The following DCC variants were observed in gnomAD, a reference collection of about 807,000 sequenced individuals.
The protein encoded by DCC is DCC netrin 1 receptor.
In DCC, 58 loss-of-function variants were observed where a neutral mutation model predicts 172.5. The ratio of observed to expected loss-of-function variants is 0.34; its 90% CI spans 0.27 to 0.42. DCC has a LOEUF of 0.42. Ranked by LOEUF, DCC falls within the 10% of genes least tolerant of loss-of-function variation. The pLI, the probability that DCC is intolerant of heterozygous loss-of-function variation, is 1.00. For synonymous variants in DCC, 709 were observed against 644.5 expected, an observed-to-expected ratio of 1.10 and a Z score of -1.52; for missense variants, 1,740 against 1,791.0, an observed-to-expected ratio of 0.97 and a Z score of 0.51.
chr18:53,386,201 A>C (rs1908155835), intron 16 of DCC, 63 bp downstream of exon 16: 20 of 1,094,660 alleles, frequency 1.8e-5, no homozygotes, highest in Non-Finnish European at 2.5e-5. Context: ...AAAAAGAAAA[A>C]CTAAAATAAA....
chr18:52,581,379 A>G (rs1191538301), intron 1 of DCC, among the ~76,000 whole-genome samples: 1 of 152,180 alleles, frequency 6.6e-6, no homozygotes, highest in Non-Finnish European at 1.5e-5. Context: ...TGGGAAGATT[A>G]GATAGTTTGA....
intron 1 of DCC, among the ~76,000 whole-genome samples, chr18:52,608,432 T>A (rs72917007): frequency 6.6e-6 from 1 of 152,124 alleles, no homozygotes; most frequent in Non-Finnish European, 1.5e-5. Context: ...GACAGAGAAG[T>A]GTTCTGGAGA....
chr18:52,700,419 A>G (rs1328729908), intron 1 of DCC, among the ~76,000 whole-genome samples: 1 of 152,120 alleles, frequency 6.6e-6, no homozygotes, highest in Non-Finnish European at 1.5e-5. Flanking sequence ...GCACATGCAC[A>G]CACACACAGA....
At chr18:52,350,297 T>G (rs545061928) in intron 1 of DCC, among the ~76,000 whole-genome samples, 1 of 152,226 alleles carries the variant, frequency 6.6e-6, no homozygotes, top group Non-Finnish European at 1.5e-5. Context: ...CTGTTCTTCA[T>G]GTGGTTTTTG....
At chr18:53,060,557 T>G (rs1448693010) in intron 5 of DCC, among the ~76,000 whole-genome samples, 4 of 152,132 alleles carry the variant, frequency 2.6e-5, no homozygotes, top group Non-Finnish European at 4.4e-5. Context: ...CACATATACG[T>G]TTGTAATCAG....
At chr18:53,280,670 A>G (rs367741267) in intron 12 of DCC, among the ~76,000 whole-genome samples, 3 of 152,050 alleles carry the variant, frequency 2.0e-5, no homozygotes, top group South Asian at 2.1e-4. Flanking sequence ...CAAAATCACT[A>G]TTAATGAACG....
At chr18:53,393,914 C>CCTCTCTCTCTCT (rs1323959382) in intron 17 of DCC, among the ~76,000 whole-genome samples, 3 of 108,164 alleles carry the variant, frequency 2.8e-5, no homozygotes, top group African/African-American at 8.9e-5. Flanking sequence ...TCTCTCTCTC[C>CCTCTCTCTCTCT]CTCTCTCCCT....
chr18:53,232,052 A>G (rs147304291), intron 12 of DCC, among the ~76,000 whole-genome samples: 5 of 152,210 alleles, frequency 3.3e-5, no homozygotes, highest in African/African-American at 1.2e-4. Context: ...TGTATATTCA[A>G]AGTTCTGTCC....
At chr18:53,158,860 G>C (rs1054712661) in intron 8 of DCC, among the ~76,000 whole-genome samples, 1 of 151,718 alleles carries the variant, frequency 6.6e-6, no homozygotes, top group Non-Finnish European at 1.5e-5. Context: ...GGGCATGGTG[G>C]CGCGCACCTG....
At chr18:53,309,297 C>T (rs1472517352) in intron 13 of DCC, among the ~76,000 whole-genome samples, 1 of 152,086 alleles carries the variant, frequency 6.6e-6, no homozygotes, top group Non-Finnish European at 1.5e-5. Context: ...CCACAGCCTC[C>T]CAAAGTGCTA....
At position 53,459,335 on chromosome 18, in the gene DCC, G is replaced by T. The variant is rs761581085; in HGVS notation, c.3496G>T (p.Glu1166Ter). Reference sequence around the variant, plus strand: ...TGAAGAAATGGAGATGAAAAATATTGAAAAGCCATCTGGCACTGACCCTGC... The same window carrying T: ...TGAAGAAATGGAGATGAAAAATATTTAAAAGCCATCTGGCACTGACCCTGC... ...HHEEMEMKNI[E>*]KPSGTDPAGR... Residue 1166 changes from glutamate to a stop codon, truncating the protein, a stop_gained, in exon 24 of 29, where the codon GAA (glutamate) becomes TAA (stop). Transcript: ENST00000442544. LOFTEE classifies it high-confidence loss of function. 1.2e-6 allele frequency: 2 copies of T among 1,613,912 alleles called. No homozygotes were observed. Among genetic ancestry groups the T allele is most frequent in the Non-Finnish European group, 1.7e-6 (2 of 1,179,976 alleles).
At chr18:52,440,139 G>A (rs1013003366) in intron 1 of DCC, among the ~76,000 whole-genome samples, 13 of 152,144 alleles carry the variant, frequency 8.5e-5, no homozygotes, top group African/African-American at 3.1e-4. Flanking sequence ...GCTAAGAGCA[G>A]AATTCTCAGT....
At position 52,704,611 on chromosome 18, in the gene DCC, A is replaced by G. The variant is rs1381127432; in HGVS notation, c.92-47443A>G. 2.0e-5 allele frequency among the ~76,000 whole-genome samples: 3 copies of G among 152,174 alleles called. No individual in the cohort carries two copies. The South Asian group carries it at 6.2e-4, about 31-fold the overall frequency. ...TGTATTTCTGAAGCCCAAATTGCAAATGAAATAAATGATGTGCCCTCTTGT... is the reference window on the plus strand; with the variant it reads ...TGTATTTCTGAAGCCCAAATTGCAAGTGAAATAAATGATGTGCCCTCTTGT... On this transcript the variant is annotated intron_variant, in intron 1 of 28. Transcript: ENST00000442544.
intron 16 of DCC, among the ~76,000 whole-genome samples, chr18:53,391,068 C>T (rs1209166776): frequency 6.6e-6 from 1 of 152,172 alleles, no homozygotes; most frequent in African/African-American, 2.4e-5. Context: ...ATCACAGCCA[C>T]ACACAGGTTG....
At chr18:53,004,431 T>C (rs1037788205) in intron 5 of DCC, among the ~76,000 whole-genome samples, 6 of 152,220 alleles carry the variant, frequency 3.9e-5, no homozygotes, top group African/African-American at 1.2e-4. Flanking sequence ...GGTAAGGAAT[T>C]ATTTATTCAG....
intron 5 of DCC, among the ~76,000 whole-genome samples, chr18:53,003,012 A>G (rs1434603269): frequency 6.6e-6 from 1 of 152,116 alleles, no homozygotes; most frequent in Non-Finnish European, 1.5e-5. Flanking sequence ...CCCTTAGGAC[A>G]TATATTTTGT....
chr18:53,259,614 C>T (rs2056568909), intron 12 of DCC, among the ~76,000 whole-genome samples: 2 of 152,060 alleles, frequency 1.3e-5, no homozygotes, highest in African/African-American at 2.4e-5. Flanking sequence ...TTGTGGGTAA[C>T]CTGACCTTTC....
At chr18:52,714,791 A>G (rs989826969) in intron 1 of DCC, among the ~76,000 whole-genome samples, 2 of 152,118 alleles carry the variant, frequency 1.3e-5, no homozygotes, top group Non-Finnish European at 2.9e-5. Flanking sequence ...CTCTCTGACA[A>G]TTTACTTTGA....
intron 21 of DCC, among the ~76,000 whole-genome samples, chr18:53,427,860 T>A (rs575690851): frequency 2.5e-5 from 2 of 78,568 alleles, no homozygotes; most frequent in South Asian, 7.5e-4. Flanking sequence ...TCTTTTTATA[T>A]ATAATATATA....
Sources: allele counts gnomAD v4.1 joint callset (sites outside exome capture counted in the v4.1 genomes callset), GRCh38; gene constraint gnomAD v4.1.1; transcripts MANE v1.5; gene names NCBI Gene and HGNC (gene_info 2026-07-23, HGNC 2026-07-21).